The following AKR1C1 variants were observed in gnomAD, a reference collection of about 807,000 sequenced individuals.
The protein encoded by AKR1C1 is 20 alpha-hydroxysteroid dehydrogenase.
In AKR1C1, 32 loss-of-function variants were observed where a neutral mutation model predicts 40.6. The observed-to-expected ratio is 0.79, with a 90% CI of 0.60 to 1.06. The LOEUF (loss-of-function observed/expected upper bound fraction) is 1.06. Ranked by LOEUF, AKR1C1 falls within the 50% of genes least tolerant of loss-of-function variation. The pLI is 0.00. For synonymous variants in AKR1C1, 105 were observed against 134.2 expected, an observed-to-expected ratio of 0.78 and a Z score of 1.50; for missense variants, 320 against 363.5, an observed-to-expected ratio of 0.88 and a Z score of 0.97.
At chr10:4,976,741 G>C (rs541307290) in intron 8 of AKR1C1, among the ~76,000 whole-genome samples, 1 of 152,296 alleles carries the variant, frequency 6.6e-6, no homozygotes, top group African/African-American at 2.4e-5. Flanking sequence ...TTATGTAACT[G>C]CTGGCAGTAG....
chr10:4,976,598 AATGCAGAGTGTAG>A (rs1220134318), intron 8 of AKR1C1, among the ~76,000 whole-genome samples: 1 of 152,240 alleles, frequency 6.6e-6, no homozygotes, highest in Non-Finnish European at 1.5e-5. Context: ...GTTAAAATCA[AATGCAGAGTGTAG>A]ATGCAAAAGC....
chr10:4,980,763 C>T lies in AKR1C1; in HGVS notation c.*3021C>T, dbSNP rs1836602980. On this transcript the variant is annotated 3_prime_UTR_variant, in exon 9 of 9. Coordinates refer to ENST00000380872, the MANE Select transcript of AKR1C1 (RefSeq NM_001353.6). ...AAATCTTGCATTCCTCCAAGTCATC[C>T]AGGAGGGTTGAATTCACTTCTTTCA... 6.6e-6 allele frequency: 1 copy of T among 151,940 alleles called. No individual in the cohort carries two copies. The highest frequency in any genetic ancestry group is 1.5e-5 in the Non-Finnish European group (1 of 67,976). 9.4% of individuals were successfully genotyped at this position (151,940 alleles called of 1,614,324 possible). A position where few individuals can be genotyped will look rare whatever the true frequency, so the allele number is the denominator to read the frequency against.
intron 5 of AKR1C1, among the ~76,000 whole-genome samples, chr10:4,969,214 A>G (rs551477970): frequency 1.3e-5 from 2 of 152,342 alleles, no homozygotes; most frequent in South Asian, 4.1e-4. Context: ...AATTAGACTC[A>G]GGGAAAGGTG....
Position 4,978,898 on chromosome 10 carries a change from C to G in AKR1C1, c.*1156C>G, listed in dbSNP as rs529282119. On this transcript the variant is annotated 3_prime_UTR_variant, in exon 9 of 9. Transcript: ENST00000380872. ...TTCTTATACATAATTTTCAGGGGAC[C>G]TAAGTTAATCAGCTAATCATGAAGA... is the stretch of plus-strand genomic sequence containing the variant. 6.6e-6 allele frequency: 1 copy of G among 152,262 alleles called. No individual in the cohort carries two copies. The highest frequency in any genetic ancestry group is 2.1e-4 in the South Asian group (1 of 4,824). The allele number at this position is 152,262 out of a possible 1,614,324, so 9.4% of individuals were successfully genotyped here. A position where few individuals can be genotyped will look rare whatever the true frequency, so the allele number is the denominator to read the frequency against.
At chr10:4,965,742 C>A in intron 1 of AKR1C1, 172 bp from the exon 2 acceptor site, 1 of 723,160 alleles carries the variant, frequency 1.4e-6, no homozygotes, top group Non-Finnish European at 2.2e-6. Flanking sequence ...TGTGCCCAAC[C>A]TTTATTACTA....
At chr10:4,969,886 T>A in intron 5 of AKR1C1, 3 of 676,038 alleles carry the variant, frequency 4.4e-6, no homozygotes, top group Non-Finnish European at 7.3e-6. Context: ...ATAAAATTAG[T>A]GAATTTGGTA....
chr10:4,974,644 T>C (rs1328195590), intron 7 of AKR1C1, among the ~76,000 whole-genome samples: 4 of 152,118 alleles, frequency 2.6e-5, no homozygotes, highest in African/African-American at 9.7e-5. Context: ...TTTGAATTTT[T>C]AGCAAAATTT....
chr10:4,969,844 T>A, intron 5 of AKR1C1: 2 of 1,080,388 alleles, frequency 1.9e-6, no homozygotes, highest in Non-Finnish European at 2.7e-6. Flanking sequence ...TTAGAGTCAA[T>A]CAGTGAAGAT....
At chr10:4,969,775 A>C (rs1836395071) in intron 5 of AKR1C1, 12 of 1,597,802 alleles carry the variant, frequency 7.5e-6, no homozygotes, top group Non-Finnish European at 1.0e-5. Flanking sequence ...TTCAGCATTA[A>C]AGTTACTACA....
intron 6 of AKR1C1, 133 bp from the exon 7 acceptor site, chr10:4,972,451 T>C (rs553331329): frequency 1.9e-5 from 27 of 1,411,086 alleles, no homozygotes; most frequent in Non-Finnish European, 2.4e-5. Flanking sequence ...TCCCAGGTGA[T>C]GTTGAGGCTG....
chr10:4,973,602 G>A (rs1205570602), intron 7 of AKR1C1, among the ~76,000 whole-genome samples: 1 of 152,138 alleles, frequency 6.6e-6, no homozygotes, highest in Non-Finnish European at 1.5e-5. Context: ...CCTAATGCAA[G>A]TTACAGGACA....
chr10:4,963,679 A>G lies in AKR1C1; in HGVS notation c.84+151A>G. On this transcript the variant is annotated intron_variant, in intron 1 of 8. Coordinates refer to ENST00000380872, the MANE Select transcript of AKR1C1 (RefSeq NM_001353.6). Reference sequence around the variant, plus strand: ...TGCAATGCCATCTTGTCACAGGGTCATCTACTGCTTATTTGTGGCACTGTT... The same window carrying G: ...TGCAATGCCATCTTGTCACAGGGTCGTCTACTGCTTATTTGTGGCACTGTT... 3 of 756,264 alleles carry G rather than the reference A, an allele frequency of 4.0e-6. No individual in the cohort carries two copies. The East Asian group carries it at 7.3e-5, about 18-fold the overall frequency. The allele number at this position is 756,264 out of a possible 1,614,324, so 46.8% of individuals were successfully genotyped here.
At chr10:4,974,398 C>G (rs1371433999) in intron 7 of AKR1C1, among the ~76,000 whole-genome samples, 1 of 151,848 alleles carries the variant, frequency 6.6e-6, no homozygotes, top group Non-Finnish European at 1.5e-5. Context: ...GTCATATTCT[C>G]TGTGGTTATG....
At chr10:4,975,049 T>G (rs1394935099) in intron 7 of AKR1C1, among the ~76,000 whole-genome samples, 2 of 152,076 alleles carry the variant, frequency 1.3e-5, no homozygotes, top group Non-Finnish European at 2.9e-5. Context: ...TCCCACTTAT[T>G]AATAGCCTTT....
At chr10:4,970,883 C>T (rs147128399) in intron 5 of AKR1C1, among the ~76,000 whole-genome samples, 2,996 of 151,266 alleles carry the variant, frequency 0.02, 47 homozygotes, top group Middle Eastern at 0.041. Context: ...GTAGGTGCAG[C>T]GTACCAACAT....
At chr10:4,969,646 C>T (rs1257137156) in intron 5 of AKR1C1, 2 of 1,606,572 alleles carry the variant, frequency 1.2e-6, no homozygotes, top group East Asian at 2.2e-5. Context: ...TGCTTAAACA[C>T]ATCTATTCTC....
chr10:4,965,957 A>T lies in AKR1C1; in HGVS notation c.128A>T (p.Glu43Val), dbSNP rs768582635. The T allele has an allele frequency of 9.4e-5, 151 of 1,614,084 alleles. No individual in the cohort carries two copies. Among genetic ancestry groups the T allele is most frequent in the Non-Finnish European group, 1.2e-4 (146 of 1,180,022 alleles). The change falls in exon 2 of 9, where the codon GAA becomes GTA. Residue 43 changes from glutamate (E) to valine (V), a missense_variant. Glu to Val is a moderately radical substitution (Grantham distance 121, BLOSUM62 -2). Around this residue, in one of 3 missense-constraint regions of AKR1C1, gnomAD observed 214 missense variants for 214.8 expected, o/e 1.00. Coordinates refer to ENST00000380872, the MANE Select transcript of AKR1C1 (RefSeq NM_001353.6). The stretch of plus-strand genomic sequence containing the variant: ...TTAGAGGCCACCAAATTGGCAATTG[A>T]AGCTGGCTTCCGCCATATTGATTCT... ...KALEATKLAI[E>V]AGFRHIDSAH...
At chr10:4,967,423 T>C (rs1025960970) in intron 3 of AKR1C1, 1 of 1,006,788 alleles carries the variant, frequency 9.9e-7, no homozygotes, top group Non-Finnish European at 1.2e-6. Context: ...GCACAATGAG[T>C]TTCCATCTTC....
At position 4,982,258 on chromosome 10, in the gene AKR1C1, A is replaced by G. The variant is rs1588568630; in HGVS notation, c.*4516A>G. 6.6e-6 allele frequency: 1 copy of G among 152,262 alleles called. No homozygotes were observed. The highest frequency in any genetic ancestry group is 1.5e-5 in the Non-Finnish European group (1 of 68,092). The allele number at this position is 152,262 out of a possible 1,614,324, so 9.4% of individuals were successfully genotyped here. On this transcript the variant is annotated 3_prime_UTR_variant, in exon 9 of 9. Transcript: ENST00000380872. Reference sequence around the variant, plus strand: ...AAGGCCACAGGTGTCTCACGACCTGACCTCATAAAGCCATCTAGTGGATGT... The same window carrying G: ...AAGGCCACAGGTGTCTCACGACCTGGCCTCATAAAGCCATCTAGTGGATGT...
Sources: gnomAD v4.1 joint callset for allele counts (sites outside exome capture counted in the v4.1 genomes callset) on GRCh38, gnomAD v4.1.1 for gene constraint, gnomAD v4.1.1 regional missense constraint, MANE v1.5 for transcripts, NCBI Gene and HGNC (gene_info 2026-07-23, HGNC 2026-07-21) for gene names.